BRINP2: variants seen among roughly 807,000 people sequenced by gnomAD.
BRINP2 encodes the protein BMP/retinoic acid-inducible neural-specific protein 2.
A neutral mutation model predicts 69.2 loss-of-function variants in BRINP2; 21 were observed. The observed-to-expected ratio is 0.30, with a 90% CI of 0.22 to 0.44. BRINP2 has a LOEUF of 0.44. Among genes scored for constraint, BRINP2 ranks in the 20% least tolerant of loss-of-function variants. The pLI, the probability that BRINP2 is intolerant of heterozygous loss-of-function variation, is 1.00. For missense variants in BRINP2, 877 were observed against 986.0 expected (o/e 0.89, Z 1.48); for synonymous variants, 380 against 394.1 (o/e 0.96, Z 0.42).
intron 1 of BRINP2, among the ~76,000 whole-genome samples, chr1:177,219,749 C>T (rs771541357): frequency 5.9e-5 from 9 of 152,222 alleles, no homozygotes; most frequent in Non-Finnish European, 1.0e-4. Context: ...GGCTGCAGGT[C>T]ATAATGGAGA....
intron 1 of BRINP2, among the ~76,000 whole-genome samples, chr1:177,226,066 G>C (rs182632174): frequency 6.6e-6 from 1 of 152,302 alleles, no homozygotes; most frequent in East Asian, 1.9e-4. Flanking sequence ...ATAACAAGAA[G>C]CACCCGTTGA....
intron 1 of BRINP2, among the ~76,000 whole-genome samples, chr1:177,186,363 T>C (rs1054498315): frequency 6.6e-6 from 1 of 152,132 alleles, no homozygotes; most frequent in Non-Finnish European, 1.5e-5. Context: ...TAATGATAAC[T>C]GTTAGGTTAG....
chr1:177,241,659 G>A (rs1650210047), intron 2 of BRINP2, among the ~76,000 whole-genome samples: 4 of 152,184 alleles, frequency 2.6e-5, no homozygotes, highest in Admixed American at 2.6e-4. Context: ...TAGGGAGCTT[G>A]CTTGCTTGCT....
chr1:177,275,875 C>T (rs1033823898), intron 5 of BRINP2, among the ~76,000 whole-genome samples: 2 of 152,232 alleles, frequency 1.3e-5, no homozygotes, highest in Non-Finnish European at 2.9e-5. Context: ...CTTCCTGTTT[C>T]CATCCCAGAA....
chr1:177,242,718 G>T (rs1650243874), intron 2 of BRINP2, among the ~76,000 whole-genome samples: 1 of 152,170 alleles, frequency 6.6e-6, no homozygotes, highest in Non-Finnish European at 1.5e-5. Flanking sequence ...TTCAGGCAAA[G>T]AACATGTCGT....
chr1:177,266,934 C>T (rs933761631), intron 4 of BRINP2, among the ~76,000 whole-genome samples: 4 of 152,082 alleles, frequency 2.6e-5, no homozygotes, highest in South Asian at 2.1e-4. Context: ...ATGACTTCCA[C>T]GTGAGACTAT....
intron 3 of BRINP2, chr1:177,256,326 A>C (rs188233060): frequency 4.1e-6 from 4 of 985,396 alleles, no homozygotes; most frequent in East Asian, 1.1e-4. Flanking sequence ...GAAGTTGGGT[A>C]TGGCGGTTGG....
At chr1:177,238,746 G>T (rs901120127) in intron 2 of BRINP2, among the ~76,000 whole-genome samples, 5 of 152,006 alleles carry the variant, frequency 3.3e-5, no homozygotes, top group Non-Finnish European at 2.9e-5. Flanking sequence ...AAAAATAGTT[G>T]GTCAAAATTT....
chr1:177,220,668 A>G (rs1177992667), intron 1 of BRINP2, among the ~76,000 whole-genome samples: 2 of 152,206 alleles, frequency 1.3e-5, no homozygotes, highest in African/African-American at 4.8e-5. Flanking sequence ...GGCCTAATGC[A>G]GGGTACAAGC....
At chr1:177,222,591 C>T (rs1039514955) in intron 1 of BRINP2, among the ~76,000 whole-genome samples, 3 of 151,798 alleles carry the variant, frequency 2.0e-5, no homozygotes, top group East Asian at 1.9e-4. Context: ...GGATTACAGG[C>T]GTGAGCCACT....
At chr1:177,248,689 T>C (rs1239991825) in intron 2 of BRINP2, among the ~76,000 whole-genome samples, 1 of 152,044 alleles carries the variant, frequency 6.6e-6, no homozygotes, top group African/African-American at 2.4e-5. Flanking sequence ...TCTTTCTGAG[T>C]CTTTCATCTT....
At position 177,276,245 on chromosome 1, in the gene BRINP2, G is replaced by T. The variant is rs1651489853; in HGVS notation, c.823G>T (p.Ala275Ser). Residue 275 changes from alanine (A) to serine (S), a missense_variant, in exon 6 of 8, where the codon GCA (alanine) becomes TCA (serine). Around this residue, in one of 3 missense-constraint regions of BRINP2, gnomAD observed 566 missense variants for 625.2 expected, o/e 0.91. Coordinates refer to ENST00000361539, the MANE Select transcript of BRINP2 (RefSeq NM_021165.4). ...GTATCTGCGTGAGCGCTTTGTAGCT[G>T]CAGCACTCAGCTACATCACATGCAG... ...PEYLRERFVA[A>S]ALSYITCSSE... The T allele has an allele frequency of 3.1e-6, 5 of 1,614,176 alleles. No homozygotes were observed. Among genetic ancestry groups the T allele is most frequent in the Non-Finnish European group, 4.2e-6 (5 of 1,180,048 alleles).
intron 4 of BRINP2, 102 bp downstream of exon 4, chr1:177,257,486 G>A (rs1650808551): frequency 1.7e-6 from 2 of 1,145,628 alleles, no homozygotes; most frequent in Non-Finnish European, 1.2e-6. Flanking sequence ...GCCGACTGAT[G>A]GAAGAGGAAA....
intron 2 of BRINP2, among the ~76,000 whole-genome samples, chr1:177,230,467 C>T (rs191421388): frequency 2.6e-5 from 4 of 152,246 alleles, no homozygotes; most frequent in South Asian, 4.2e-4. Flanking sequence ...CCCAGGCTGC[C>T]GTAGGAGGTC....
intron 1 of BRINP2, among the ~76,000 whole-genome samples, chr1:177,177,892 A>G (rs920926397): frequency 6.6e-6 from 1 of 152,238 alleles, no homozygotes; most frequent in African/African-American, 2.4e-5. Context: ...CATCACCAAG[A>G]TTAAAATTCA....
intron 1 of BRINP2, among the ~76,000 whole-genome samples, chr1:177,203,817 C>A (rs182225040): frequency 6.6e-6 from 1 of 152,222 alleles, no homozygotes; most frequent in Non-Finnish European, 1.5e-5. Flanking sequence ...AAACAATGAT[C>A]CAAACAAATA....
chr1:177,268,273 G>T (rs953823031), intron 4 of BRINP2, among the ~76,000 whole-genome samples: 4 of 152,168 alleles, frequency 2.6e-5, no homozygotes, highest in Admixed American at 2.6e-4. Flanking sequence ...AAGGCCAATA[G>T]CCTGGATATA....
chr1:177,212,352 C>A (rs1191238652), intron 1 of BRINP2, among the ~76,000 whole-genome samples: 1 of 152,034 alleles, frequency 6.6e-6, no homozygotes, highest in Non-Finnish European at 1.5e-5. Flanking sequence ...GAGACCATCC[C>A]AGCTAACACA....
At chr1:177,241,264 C>A (rs567836811) in intron 2 of BRINP2, among the ~76,000 whole-genome samples, 1 of 152,316 alleles carries the variant, frequency 6.6e-6, no homozygotes, top group East Asian at 1.9e-4. Context: ...AGCCATTGCG[C>A]CCGGACCACT....
Sources: gnomAD v4.1 joint callset for allele counts (sites outside exome capture counted in the v4.1 genomes callset) on GRCh38, gnomAD v4.1.1 for gene constraint, gnomAD v4.1.1 regional missense constraint, MANE v1.5 for transcripts, NCBI Gene and HGNC (gene_info 2026-07-23, HGNC 2026-07-21) for gene names.